The following HMGB1 variants were observed in gnomAD, a reference collection of about 807,000 sequenced individuals.
HMGB1 encodes high mobility group protein B1.
For synonymous variants in HMGB1, 81 were observed against 84.0 expected, an observed-to-expected ratio of 0.96 and a Z score of 0.19; for missense variants, 79 against 253.5, an observed-to-expected ratio of 0.31 and a Z score of 4.67.
rs185869356 is a variant in HMGB1, at chr13:30,500,476, C to T, written c.-14-36782G>A. 1.1e-4 allele frequency among the ~76,000 whole-genome samples: 16 copies of T among 150,936 alleles called. No individual in the cohort carries two copies. The East Asian group carries it at 3.1e-3, about 30-fold the overall frequency. ...CCCTGAATTCCTGGGCTCAAGCAAT[C>T]CTCCCCACTCAGCCTCCCAAATAGC... On this transcript the variant is annotated intron_variant, in intron 1 of 4. Transcript: ENST00000405805.
chr13:30,476,133 T>TC (rs1887091551), intron 1 of HMGB1, among the ~76,000 whole-genome samples: 1 of 149,116 alleles, frequency 6.7e-6, no homozygotes, highest in African/African-American at 2.5e-5. Flanking sequence ...TTTTTTTTTT[T>TC]TTTTTTGAGA....
In HMGB1 at chr13:30,456,760, C is replaced by CGGGGGGGGGGGGGG. The variant is rs386378689; in HGVS notation, c.*4596_*4597insCCCCCCCCCCCCCC. On this transcript the variant is annotated 3_prime_UTR_variant, in exon 5 of 5. Transcript: ENST00000341423. ...CAGCATAAATAACAGCTTTTGTGGG[C>CGGGGGGGGGGGGGG]GGGGGGGGGGGGTGGTGGGGTGCAA... 1 of 13,542 alleles carries CGGGGGGGGGGGGGG rather than the reference C, an allele frequency of 7.4e-5. No homozygotes were observed. The highest frequency in any genetic ancestry group is 1.4e-4 in the Non-Finnish European group (1 of 7,290). The allele number at this position is 13,542 out of a possible 1,614,324, so 0.8% of individuals were successfully genotyped here.
intron 1 of HMGB1, among the ~76,000 whole-genome samples, chr13:30,471,221 T>A (rs889881776): frequency 6.6e-6 from 1 of 151,564 alleles, no homozygotes; most frequent in Non-Finnish European, 1.5e-5. Context: ...CCACCTGCCT[T>A]GGCCTCCCAA....
At chr13:30,584,927 C>A (rs1221827918) in intron 1 of HMGB1, among the ~76,000 whole-genome samples, 2 of 152,136 alleles carry the variant, frequency 1.3e-5, no homozygotes, top group Non-Finnish European at 2.9e-5. Context: ...GAGGGAGGAT[C>A]ACTTGATACC....
At chr13:30,563,984 T>C (rs958218255) in intron 1 of HMGB1, among the ~76,000 whole-genome samples, 2 of 152,228 alleles carry the variant, frequency 1.3e-5, no homozygotes, top group African/African-American at 4.8e-5. Flanking sequence ...TGCTTTTCAA[T>C]AAATAATTTA....
chr13:30,605,576 G>T (rs956171729), intron 1 of HMGB1, among the ~76,000 whole-genome samples: 2 of 152,206 alleles, frequency 1.3e-5, no homozygotes, highest in Non-Finnish European at 1.5e-5. Context: ...GGCCAATGCC[G>T]ACGTGGAAAT....
chr13:30,465,706 G>T, intron 1 of HMGB1, 90 bp downstream of exon 1: 1 of 662,484 alleles, frequency 1.5e-6, no homozygotes, highest in Non-Finnish European at 1.9e-6. Flanking sequence ...ATCCTGACCC[G>T]CCGGCTCCCG....
chr13:30,583,853 A>G (rs1871025439), intron 1 of HMGB1, among the ~76,000 whole-genome samples: 2 of 150,960 alleles, frequency 1.3e-5, no homozygotes, highest in Non-Finnish European at 3.0e-5. Context: ...GAAAGAAAGA[A>G]AGAAAGAAAG....
chr13:30,536,349 C>T (rs570478185), intron 1 of HMGB1, among the ~76,000 whole-genome samples: 1 of 152,224 alleles, frequency 6.6e-6, no homozygotes, highest in East Asian at 1.9e-4. Flanking sequence ...TTCTCCTCTC[C>T]TAATTTCCCA....
intron 1 of HMGB1, among the ~76,000 whole-genome samples, chr13:30,597,858 G>A (rs1466375105): frequency 6.6e-6 from 1 of 152,100 alleles, no homozygotes; most frequent in African/African-American, 2.4e-5. Context: ...CTGGTGTGTA[G>A]GGTTAACAAG....
chr13:30,509,695 G>A lies in HMGB1; in HGVS notation c.-14-46001C>T, dbSNP rs544365445. Among the ~76,000 whole-genome samples, 12 of 152,256 alleles carry A rather than the reference G, an allele frequency of 7.9e-5. No individual in the cohort carries two copies. The South Asian group carries it at 1.0e-3, about 13-fold the overall frequency. On this transcript the variant is annotated intron_variant, in intron 1 of 4. Transcript: ENST00000405805. The stretch of plus-strand genomic sequence containing the variant: ...TGAGGAATTTACTAAACTGATGGGC[G>A]AGACAAGATGCAGATACTATAGTGG...
chr13:30,551,930 A>G (rs954444924), intron 1 of HMGB1, among the ~76,000 whole-genome samples: 9 of 152,124 alleles, frequency 5.9e-5, no homozygotes, highest in Non-Finnish European at 8.8e-5. Context: ...ACTGGTCTCA[A>G]ACGATCCTCC....
intron 1 of HMGB1, among the ~76,000 whole-genome samples, chr13:30,509,233 CA>C (rs1339753393): frequency 4.7e-5 from 7 of 147,558 alleles, no homozygotes; most frequent in Non-Finnish European, 9.0e-5. Flanking sequence ...TCACTGCGCC[CA>C]GCACCAATAT....
chr13:30,596,628 C>T (rs77816000), intron 1 of HMGB1, among the ~76,000 whole-genome samples: 2,718 of 152,330 alleles, frequency 0.018, 51 homozygotes, highest in Middle Eastern at 0.048. Flanking sequence ...GAAACCCAGA[C>T]TAAGGCACAT....
intron 1 of HMGB1, among the ~76,000 whole-genome samples, chr13:30,507,733 G>A (rs1566009850): frequency 6.6e-6 from 1 of 152,170 alleles, no homozygotes; most frequent in African/African-American, 2.4e-5. Flanking sequence ...AAGAGCCAGA[G>A]TTGGAATCCC....
intron 1 of HMGB1, among the ~76,000 whole-genome samples, chr13:30,549,148 A>T (rs944145166): frequency 6.6e-6 from 1 of 151,980 alleles, no homozygotes; most frequent in African/African-American, 2.4e-5. Flanking sequence ...AATAAGAAAA[A>T]TAGCTGGTCA....
chr13:30,529,732 A>C (rs1002723413), intron 1 of HMGB1, among the ~76,000 whole-genome samples: 1 of 152,234 alleles, frequency 6.6e-6, no homozygotes, highest in Non-Finnish European at 1.5e-5. Context: ...GGCCCATTTC[A>C]GCCAGGCGGA....
intron 1 of HMGB1, among the ~76,000 whole-genome samples, chr13:30,594,929 T>C (rs536257854): frequency 1.3e-4 from 20 of 152,384 alleles, no homozygotes; most frequent in African/African-American, 4.6e-4. Context: ...GGTGTCTCAT[T>C]GTAGTTTGGC....
intron 1 of HMGB1, among the ~76,000 whole-genome samples, chr13:30,607,666 C>A (rs9579619): frequency 0.03 from 4,516 of 152,174 alleles, 245 homozygotes; most frequent in African/African-American, 0.1. Flanking sequence ...CACAGACTAT[C>A]TAGAAGAACA....
Sources: gnomAD v4.1 joint callset for allele counts (sites outside exome capture counted in the v4.1 genomes callset) on GRCh38, gnomAD v4.1.1 for gene constraint, MANE v1.5 for transcripts, NCBI Gene and HGNC (gene_info 2026-07-23, HGNC 2026-07-21) for gene names.